MRPS18C: variants seen among roughly 807,000 people sequenced by gnomAD.
MRPS18C encodes the protein mitochondrial ribosomal protein S18C.
Under a neutral mutation model 21.0 loss-of-function variants are expected in MRPS18C, and 21 were observed. The ratio of observed to expected loss-of-function variants is 1.00; its 90% CI spans 0.71 to 1.44. The LOEUF (loss-of-function observed/expected upper bound fraction) is 1.44, where lower values mean the gene tolerates loss of function less well. Ranked by LOEUF, MRPS18C falls within the 40% of genes most tolerant of loss-of-function variation. The probability of loss-of-function intolerance (pLI) is 0.00; values close to 1 mark genes in which losing one functional copy is unlikely to be tolerated. For missense variants in MRPS18C, 152 were observed against 171.5 expected (o/e 0.89, Z 0.64); for synonymous variants, 65 against 54.3 (o/e 1.20, Z -0.87).
At chr4:83,461,062 G>C (rs747724744) in intron 5 of MRPS18C, 30 bp downstream of exon 5, 1 of 1,612,314 alleles carries the variant, frequency 6.2e-7, no homozygotes, top group Non-Finnish European at 8.5e-7. Flanking sequence ...CAACTGAATT[G>C]AGCTAGCTGA....
At position 83,461,319 on chromosome 4, in the gene MRPS18C, C is replaced by G; in HGVS notation, c.*122C>G. 1.3e-6 allele frequency: 1 copy of G among 743,016 alleles called. No individual in the cohort carries two copies. Among genetic ancestry groups the G allele is most frequent in the Non-Finnish European group, 2.4e-6 (1 of 424,586 alleles). The allele number at this position is 743,016 out of a possible 1,614,324, so 46.0% of individuals were successfully genotyped here. On this transcript the variant is annotated 3_prime_UTR_variant, in exon 6 of 6. Coordinates refer to ENST00000295491, the MANE Select transcript of MRPS18C (RefSeq NM_016067.4). ...AGGAGTGAGGTAAAGAATGACACTT[C>G]CCCTTCATACCAATGTCCATTAAGC...
chr4:83,459,846 C>G (rs769896078), intron 4 of MRPS18C, 49 bp downstream of exon 4: 1 of 1,435,478 alleles, frequency 7.0e-7, no homozygotes, highest in South Asian at 1.2e-5. Context: ...CGAATTATAT[C>G]AATCTATTTC....
At chr4:83,458,793 CT>C (rs1029200977) in intron 3 of MRPS18C, 2 of 170,174 alleles carry the variant, frequency 1.2e-5, no homozygotes, top group African/African-American at 4.8e-5. Flanking sequence ...TTACTTATCT[CT>C]TGTCTAACTC....
chr4:83,457,258 TG>T (rs1464492378), intron 2 of MRPS18C: 176 of 267,288 alleles, frequency 6.6e-4, no homozygotes, highest in African/African-American at 9.4e-4. Flanking sequence ...ATTTGGGAAT[TG>T]TTTTTTTTTT....
intron 3 of MRPS18C, 39 bp downstream of exon 3, chr4:83,458,468 G>T (rs1356135265): frequency 6.9e-7 from 1 of 1,454,494 alleles, no homozygotes; most frequent in Non-Finnish European, 9.5e-7. Flanking sequence ...TTAGGGTTTT[G>T]CTTCTGATAG....
intron 3 of MRPS18C, 79 bp downstream of exon 3, chr4:83,458,508 T>C (rs1229227904): frequency 2.8e-5 from 32 of 1,124,952 alleles, no homozygotes; most frequent in Non-Finnish European, 3.9e-5. Context: ...AGTCAGTTTA[T>C]AGCAGGCTTT....
intron 3 of MRPS18C, chr4:83,458,777 C>G (rs939823238): frequency 2.7e-5 from 5 of 184,524 alleles, no homozygotes; most frequent in African/African-American, 7.1e-5. Flanking sequence ...ATCACTGATT[C>G]ACATATTACT....
In MRPS18C at chr4:83,461,298, G is replaced by C; in HGVS notation, c.*101G>C. On this transcript the variant is annotated 3_prime_UTR_variant, in exon 6 of 6. Transcript: ENST00000295491. Reference sequence around the variant, plus strand: ...CTTTGGATAGAAAAGTGTTTGAGGAGTGAGGTAAAGAATGACACTTCCCCT... The same window carrying C: ...CTTTGGATAGAAAAGTGTTTGAGGACTGAGGTAAAGAATGACACTTCCCCT... 1 of 976,916 alleles carries C rather than the reference G, an allele frequency of 1.0e-6. No homozygotes were observed. The highest frequency in any genetic ancestry group is 2.4e-5 in the East Asian group (1 of 41,514). 60.5% of individuals were successfully genotyped at this position (976,916 alleles called of 1,614,324 possible). A position where few individuals can be genotyped will look rare whatever the true frequency, so the allele number is the denominator to read the frequency against.
intron 1 of MRPS18C, 90 bp downstream of exon 1, chr4:83,456,267 C>G: frequency 1.8e-6 from 2 of 1,124,050 alleles, no homozygotes; most frequent in Non-Finnish European, 2.7e-6. Context: ...AGCAAAACGA[C>G]TCTGGTTTCT....
At position 83,461,530 on chromosome 4, in the gene MRPS18C, A is replaced by G. The variant is rs749646384; in HGVS notation, c.*333A>G. ...AAATATAAGTATGCCTGGTTAAGAT[A>G]TCTTCCCTTTGTAGAAATGTTACAT... On this transcript the variant is annotated 3_prime_UTR_variant, in exon 6 of 6. Coordinates refer to ENST00000295491, the MANE Select transcript of MRPS18C (RefSeq NM_016067.4). 9.3e-6 allele frequency: 3 copies of G among 324,018 alleles called. No homozygotes were observed. Among genetic ancestry groups the G allele is most frequent in the Non-Finnish European group, 1.8e-5 (3 of 171,038 alleles). 20.1% of individuals were successfully genotyped at this position (324,018 alleles called of 1,614,324 possible).
intron 3 of MRPS18C, 24 bp from the exon 4 acceptor site, chr4:83,459,716 C>T: frequency 6.3e-7 from 1 of 1,591,940 alleles, no homozygotes; most frequent in Non-Finnish European, 8.6e-7. Flanking sequence ...TTTTTTTTCC[C>T]CTCCACATAA....
intron 2 of MRPS18C, 136 bp from the exon 3 acceptor site, chr4:83,458,210 A>G (rs946695255): frequency 1.6e-5 from 10 of 621,980 alleles, no homozygotes; most frequent in Non-Finnish European, 2.8e-5. Flanking sequence ...AAAACAAAAT[A>G]AAGTGCTTAT....
At chr4:83,459,683 A>T in intron 3 of MRPS18C, 57 bp from the exon 4 acceptor site, 1 of 1,483,372 alleles carries the variant, frequency 6.7e-7, no homozygotes, top group South Asian at 1.2e-5. Context: ...AAATTTACAC[A>T]TTCAGAAATA....
intron 1 of MRPS18C, 99 bp from the exon 2 acceptor site, chr4:83,456,810 T>C (rs2110025647): frequency 8.6e-7 from 1 of 1,164,538 alleles, no homozygotes; most frequent in Non-Finnish European, 1.2e-6. Flanking sequence ...TTCTTTAATA[T>C]CGTGTCCCTT....
chr4:83,458,252 C>A, intron 2 of MRPS18C, 94 bp from the exon 3 acceptor site: 1 of 883,024 alleles, frequency 1.1e-6, no homozygotes, highest in Non-Finnish European at 1.8e-6. Flanking sequence ...AAAGGTATAA[C>A]TAATCCTTTG....
At position 83,461,181 on chromosome 4, in the gene MRPS18C, T is replaced by TTC. The variant is rs1167042711; in HGVS notation, c.413_414insTC (p.Arg139ProfsTer19). On this transcript the variant is annotated frameshift_variant, in exon 6 of 6. Coordinates refer to ENST00000295491, the MANE Select transcript of MRPS18C (RefSeq NM_016067.4). LOFTEE classifies it high-confidence loss of function. The stretch of plus-strand genomic sequence containing the variant: ...CTCAAGGACCCTAAAGTTTGTAACA[T>TTC]CAGATATCGGGAATAAATTCTATCA... The TTC allele has an allele frequency of 6.2e-6, 10 of 1,612,286 alleles. No homozygotes were observed. Among genetic ancestry groups the TTC allele is most frequent in the Non-Finnish European group, 8.5e-7 (1 of 1,179,504 alleles).
Position 83,462,206 on chromosome 4 carries a change from T to A in MRPS18C, c.*1009T>A. The stretch of plus-strand genomic sequence containing the variant: ...CTGTGCCTGGTCTCACTTTTCCAAT[T>A]CTAAAGAATGTGTCTGTGTAAGCCT... On this transcript the variant is annotated 3_prime_UTR_variant, in exon 6 of 6. Coordinates refer to ENST00000295491, the MANE Select transcript of MRPS18C (RefSeq NM_016067.4). 1 of 384,628 alleles carries A rather than the reference T, an allele frequency of 2.6e-6. No homozygotes were observed. Among genetic ancestry groups the A allele is most frequent in the Non-Finnish European group, 4.6e-6 (1 of 215,508 alleles). 23.8% of individuals were successfully genotyped at this position (384,628 alleles called of 1,614,324 possible). A position where few individuals can be genotyped will look rare whatever the true frequency, so the allele number is the denominator to read the frequency against.
rs75450052 is a variant in MRPS18C at position 83,458,546 on chromosome 4, A to G, written c.234+117A>G. Reference sequence around the variant, plus strand: ...TAGAGGTAACTGTTTTAGCAACTTCATAATTTCAAATTTGGTTATAATTCT... The same window carrying G: ...TAGAGGTAACTGTTTTAGCAACTTCGTAATTTCAAATTTGGTTATAATTCT... On this transcript the variant is annotated intron_variant, in intron 3 of 5. Coordinates refer to ENST00000295491, the MANE Select transcript of MRPS18C (RefSeq NM_016067.4). The G allele has an allele frequency of 7.2e-3, 4,963 of 687,392 alleles. 180 individuals carry two copies. In the African/African-American group the frequency reaches 0.083, roughly 11 times the overall value. The allele number at this position is 687,392 out of a possible 1,614,324, so 42.6% of individuals were successfully genotyped here. A position where few individuals can be genotyped will look rare whatever the true frequency, so the allele number is the denominator to read the frequency against.
chr4:83,456,095 T>C lies in MRPS18C; in HGVS notation c.18T>C (p.Ala6=). Residue 6 remains alanine (A), a synonymous_variant, in exon 1 of 6, where the codon GCT becomes GCC. Coordinates refer to ENST00000295491, the MANE Select transcript of MRPS18C (RefSeq NM_016067.4). Reference sequence around the variant, plus strand: ...GCGGAACCATGGCCGCTGTGGTTGCTGTTTGCGGTGGTCTAGGGAGGAAGA... The same window carrying C: ...GCGGAACCATGGCCGCTGTGGTTGCCGTTTGCGGTGGTCTAGGGAGGAAGA... MAAVV[A]VCGGLGRKKL... 1 of 1,612,712 alleles carries C rather than the reference T, an allele frequency of 6.2e-7. No individual in the cohort carries two copies. The highest frequency in any genetic ancestry group is 1.1e-5 in the South Asian group (1 of 91,018).
Sources: allele counts gnomAD v4.1 joint callset, GRCh38; gene constraint gnomAD v4.1.1; transcripts MANE v1.5; gene names NCBI Gene and HGNC (gene_info 2026-07-23, HGNC 2026-07-21).